Variants in MROH1 observed in about 807,000 individuals in gnomAD.
MROH1 encodes maestro heat like repeat family member 1.
A neutral mutation model predicts 116.5 loss-of-function variants in MROH1; 117 were observed. The ratio of observed to expected loss-of-function variants is 1.00; its 90% CI spans 0.86 to 1.17. The LOEUF (loss-of-function observed/expected upper bound fraction) is 1.17. Among genes scored for constraint, MROH1 ranks in the 50% most tolerant of loss-of-function variants. The pLI, the probability that MROH1 is intolerant of heterozygous loss-of-function variation, is 0.00. For synonymous variants in MROH1, 921 were observed against 583.9 expected (o/e 1.58, Z -8.32); for missense variants, 1,873 against 1,338.5 (o/e 1.40, Z -6.23).
At chr8:144,225,088 G>T (rs1490631444) in intron 14 of MROH1, among the ~76,000 whole-genome samples, 1 of 151,636 alleles carries the variant, frequency 6.6e-6, no homozygotes, top group Non-Finnish European at 1.5e-5. Flanking sequence ...GCCAAGGCTA[G>T]AGTGCAGTGG....
At position 144,233,152 on chromosome 8, in the gene MROH1, A is replaced by G. The variant is rs1450887807; in HGVS notation, c.1339-5604A>G. On this transcript the variant is annotated intron_variant, in intron 14 of 43. Coordinates refer to ENST00000326134, the MANE Select transcript of MROH1 (RefSeq NM_032450.3). The stretch of plus-strand genomic sequence containing the variant: ...GCCATGATTGCTTTTTCAGTAAAAC[A>G]TTTTTATGATGGTAAAATATCATAA... 2.0e-5 allele frequency among the ~76,000 whole-genome samples: 3 copies of G among 151,990 alleles called. No homozygotes were observed. The East Asian group carries it at 5.8e-4, about 29-fold the overall frequency.
At chr8:144,236,786 CACTT>C (rs1236201674) in intron 14 of MROH1, among the ~76,000 whole-genome samples, 55 of 151,048 alleles carry the variant, frequency 3.6e-4, no homozygotes, top group African/African-American at 1.3e-3. Flanking sequence ...AGTAAATAAA[CACTT>C]AGTCAACATC....
chr8:144,260,414 C>T, intron 39 of MROH1, 40 bp downstream of exon 39: 1 of 702,764 alleles, frequency 1.4e-6, no homozygotes, highest in East Asian at 2.7e-5. Flanking sequence ...AGGGCCCCAG[C>T]CCTTCCTGCC....
chr8:144,174,730 A>T, intron 4 of MROH1: 1 of 543,322 alleles, frequency 1.8e-6, no homozygotes, highest in Non-Finnish European at 2.3e-6. Flanking sequence ...TGATCCTCCC[A>T]CCTTGGCCTC....
intron 1 of MROH1, among the ~76,000 whole-genome samples, chr8:144,149,475 G>T (rs1288018168): frequency 1.3e-5 from 2 of 152,124 alleles, no homozygotes; most frequent in South Asian, 2.1e-4. Flanking sequence ...AGGCTGTGGG[G>T]CATGTGCTTG....
intron 24 of MROH1, among the ~76,000 whole-genome samples, chr8:144,243,222 G>A (rs1036129875): frequency 4.6e-5 from 7 of 152,330 alleles, no homozygotes; most frequent in African/African-American, 1.2e-4. Context: ...AGCACTCCCC[G>A]GAGGACTCTT....
chr8:144,223,144 G>A lies in MROH1; in HGVS notation c.1252G>A (p.Ala418Thr). 2 of 1,612,986 alleles carry A rather than the reference G, an allele frequency of 1.2e-6. No homozygotes were observed. Among genetic ancestry groups the A allele is most frequent in the South Asian group, 1.1e-5 (1 of 90,958 alleles). ...AGTGGTGCAGGTGATTAGCGCCATG[G>A]CCCACCACGGCTACCTGGAGCAGCC... The part of the protein sequence containing the change: ...RAVVQVISAM[A>T]HHGYLEQPGG... The change falls in exon 14 of 44, where the codon GCC (alanine) becomes ACC (threonine). Residue 418 changes from alanine to threonine, a missense_variant. Physicochemically the swap from Ala to Thr is moderately conservative, Grantham distance 58. Transcript: ENST00000326134.
At chr8:144,224,880 GGGA>G (rs559938511) in intron 14 of MROH1, among the ~76,000 whole-genome samples, 1 of 152,144 alleles carries the variant, frequency 6.6e-6, no homozygotes, top group Non-Finnish European at 1.5e-5. Flanking sequence ...AGGGCCACTG[GGGA>G]GGAGAAGACA....
intron 1 of MROH1, among the ~76,000 whole-genome samples, chr8:144,159,862 G>A (rs1819083843): frequency 6.6e-6 from 1 of 151,124 alleles, no homozygotes; most frequent in East Asian, 2.0e-4. Context: ...CCGCCTCCCG[G>A]GTTCACGCCA....
intron 1 of MROH1, among the ~76,000 whole-genome samples, chr8:144,152,557 T>TA (rs1230132122): frequency 2.0e-5 from 3 of 146,834 alleles, no homozygotes; most frequent in African/African-American, 7.9e-5. Context: ...TTATTATTAT[T>TA]TTTTTTTTTG....
chr8:144,157,009 G>A (rs1395214375), intron 1 of MROH1, among the ~76,000 whole-genome samples: 3 of 151,832 alleles, frequency 2.0e-5, no homozygotes, highest in South Asian at 4.2e-4. Context: ...AGGCTGGAGC[G>A]CAGTGGCGTG....
chr8:144,199,828 G>T (rs544048315), intron 11 of MROH1, among the ~76,000 whole-genome samples: 1 of 152,188 alleles, frequency 6.6e-6, no homozygotes, highest in Non-Finnish European at 1.5e-5. Context: ...CACAAGATCC[G>T]CAGGAGGGGT....
Position 144,260,759 on chromosome 8 carries a change from T to A in MROH1, c.4463T>A (p.Phe1488Tyr). 1.3e-6 allele frequency: 1 copy of A among 779,214 alleles called. No homozygotes were observed. Among genetic ancestry groups the A allele is most frequent in the Non-Finnish European group, 2.4e-6 (1 of 417,782 alleles). The allele number at this position is 779,214 out of a possible 1,614,324, so 48.3% of individuals were successfully genotyped here. ...TGCCACGGAGACTGTGAGGACGTCTTCCTGGACCAGGTGGTGGGCGGGCTG... is the reference window on the plus strand; with the variant it reads ...TGCCACGGAGACTGTGAGGACGTCTACCTGGACCAGGTGGTGGGCGGGCTG... ...KVCHGDCEDV[F>Y]LDQVVGGLAP... The change falls in exon 40 of 44, where the codon TTC (phenylalanine) becomes TAC (tyrosine). Residue 1488 changes from phenylalanine (F) to tyrosine (Y), a missense_variant. By Grantham distance (22) the Phe-to-Tyr change is conservative. Coordinates refer to ENST00000326134, the MANE Select transcript of MROH1 (RefSeq NM_032450.3).
chr8:144,189,190 G>A (rs1037555659), intron 7 of MROH1, among the ~76,000 whole-genome samples: 1 of 152,168 alleles, frequency 6.6e-6, no homozygotes, highest in Non-Finnish European at 1.5e-5. Flanking sequence ...TCAAGATTGG[G>A]GCAGCTGAGG....
At chr8:144,259,722 C>T (rs578082704) in intron 37 of MROH1, among the ~76,000 whole-genome samples, 189 bp from the exon 38 acceptor site, 10 of 152,350 alleles carry the variant, frequency 6.6e-5, no homozygotes, top group African/African-American at 1.7e-4. Context: ...CAGAGCACAG[C>T]GGGCGTCAGA....
At chr8:144,150,616 T>G (rs961284598) in intron 1 of MROH1, among the ~76,000 whole-genome samples, 1 of 152,232 alleles carries the variant, frequency 6.6e-6, no homozygotes, top group African/African-American at 2.4e-5. Flanking sequence ...TGACACTTTT[T>G]GCCATGTAGC....
At chr8:144,183,322 A>T (rs376792525) in intron 7 of MROH1, among the ~76,000 whole-genome samples, 1 of 151,356 alleles carries the variant, frequency 6.6e-6, no homozygotes, top group African/African-American at 2.4e-5. Flanking sequence ...TCGAGGCTGC[A>T]GTGAACCAAG....
rs1840522602 is a variant in MROH1, at chr8:144,239,080, A to G, written c.1492A>G (p.Thr498Ala). ...CCAGTTCCTCACCCCTGTGCGCTTC[A>G]CTGGGGCCCTGACTCCGCTCTGCAG... ...LLQFLTPVRF[T>A]GALTPLCRSL... Residue 498 changes from threonine to alanine, a missense_variant, in exon 16 of 44, where the codon ACT (threonine) becomes GCT (alanine). Thr to Ala is a moderately conservative substitution (Grantham distance 58). Coordinates refer to ENST00000326134, the MANE Select transcript of MROH1 (RefSeq NM_032450.3). The G allele has an allele frequency of 1.3e-6, 1 of 777,604 alleles. No homozygotes were observed. Among genetic ancestry groups the G allele is most frequent in the South Asian group, 1.3e-5 (1 of 74,584 alleles). The allele number at this position is 777,604 out of a possible 1,614,324, so 48.2% of individuals were successfully genotyped here.
chr8:144,246,841 G>A (rs1395945316), intron 29 of MROH1, among the ~76,000 whole-genome samples: 2 of 152,220 alleles, frequency 1.3e-5, no homozygotes, highest in African/African-American at 4.8e-5. Flanking sequence ...CATGGGAGGA[G>A]CAGGACTGAG....
Sources: allele counts gnomAD v4.1 joint callset (sites outside exome capture counted in the v4.1 genomes callset), GRCh38; gene constraint gnomAD v4.1.1; transcripts MANE v1.5; gene names NCBI Gene and HGNC (gene_info 2026-07-23, HGNC 2026-07-21).